Variants in HIRA observed in about 807,000 individuals in gnomAD.
HIRA encodes the protein protein HIRA.
HIRA carries 13 observed loss-of-function variants against 126.6 expected under a neutral mutation model. That is an observed-to-expected ratio of 0.10 (90% confidence interval 0.07 to 0.16). The LOEUF (loss-of-function observed/expected upper bound fraction) is 0.16, where lower values mean the gene tolerates loss of function less well. Ranked by LOEUF, HIRA falls within the 10% of genes least tolerant of loss-of-function variation. The pLI, the probability that HIRA is intolerant of heterozygous loss-of-function variation, is 1.00. For synonymous variants in HIRA, 511 were observed against 520.0 expected, an observed-to-expected ratio of 0.98 and a Z score of 0.24; for missense variants, 834 against 1,314.4, an observed-to-expected ratio of 0.63 and a Z score of 5.65.
intron 23 of HIRA, among the ~76,000 whole-genome samples, chr22:19,352,930 G>T (rs1353449521): frequency 3.9e-5 from 6 of 152,250 alleles, no homozygotes; most frequent in East Asian, 1.9e-4. Flanking sequence ...AGAAATGGAG[G>T]GCCTCAGTAA....
At chr22:19,383,726 A>G (rs1344377950) in intron 12 of HIRA, 21 bp from the exon 13 acceptor site, 1 of 1,590,982 alleles carries the variant, frequency 6.3e-7, no homozygotes, top group Non-Finnish European at 8.6e-7. Flanking sequence ...AGAGTTACAT[A>G]AATGAATGCA....
intron 1 of HIRA, among the ~76,000 whole-genome samples, 165 bp downstream of exon 1, chr22:19,431,274 GC>G (rs1055095379): frequency 3.9e-5 from 6 of 152,176 alleles, no homozygotes; most frequent in Non-Finnish European, 7.4e-5. Context: ...GGGCTCACCA[GC>G]CTCTCCGCGC....
At chr22:19,344,465 T>G (rs1334100207) in intron 24 of HIRA, among the ~76,000 whole-genome samples, 1 of 152,010 alleles carries the variant, frequency 6.6e-6, no homozygotes, top group Non-Finnish European at 1.5e-5. Context: ...ATAAAGAAAT[T>G]AAAAATCTGG....
At chr22:19,350,311 C>T (rs2088741734) in intron 24 of HIRA, among the ~76,000 whole-genome samples, 1 of 152,176 alleles carries the variant, frequency 6.6e-6, no homozygotes. Context: ...ATGCCTATAA[C>T]ATGCCTGGCC....
intron 1 of HIRA, among the ~76,000 whole-genome samples, chr22:19,424,764 T>C (rs1327489078): frequency 6.6e-6 from 1 of 152,190 alleles, no homozygotes; most frequent in African/African-American, 2.4e-5. Flanking sequence ...TCACTCAGCC[T>C]AAGTTTCCAT....
intron 15 of HIRA, among the ~76,000 whole-genome samples, chr22:19,362,446 T>G (rs2088872927): frequency 6.6e-6 from 1 of 152,096 alleles, no homozygotes; most frequent in Non-Finnish European, 1.5e-5. Context: ...TAATATTATT[T>G]GAAAGTAGAG....
chr22:19,346,025 A>G (rs1398841892), intron 24 of HIRA, among the ~76,000 whole-genome samples: 1 of 152,250 alleles, frequency 6.6e-6, no homozygotes, highest in Non-Finnish European at 1.5e-5. Context: ...AATGGCAACA[A>G]GTATTTCAAT....
Position 19,330,840 on chromosome 22 carries a change from AATT to A in HIRA, c.*597_*599del, listed in dbSNP as rs1239879611. 3 of 161,638 alleles carry A rather than the reference AATT, an allele frequency of 1.9e-5. No individual in the cohort carries two copies. Among genetic ancestry groups the A allele is most frequent in the African/African-American group, 7.2e-5 (3 of 41,674 alleles). 10.0% of individuals were successfully genotyped at this position (161,638 alleles called of 1,614,324 possible). A position where few individuals can be genotyped will look rare whatever the true frequency, so the allele number is the denominator to read the frequency against. ...AAGATAGACAAGTTAATTTCAGTAC[AATT>A]ATTTTTCAGTGTAGCTGTCATAATT... On this transcript the variant is annotated 3_prime_UTR_variant, in exon 25 of 25. Coordinates refer to ENST00000263208, the MANE Select transcript of HIRA (RefSeq NM_003325.4).
chr22:19,391,783 T>C (rs948260987), intron 9 of HIRA, among the ~76,000 whole-genome samples: 2 of 152,120 alleles, frequency 1.3e-5, no homozygotes, highest in Non-Finnish European at 2.9e-5. Flanking sequence ...CCCAGCCATA[T>C]AAAGATTTTT....
At chr22:19,414,530 C>A (rs1423633472) in intron 1 of HIRA, among the ~76,000 whole-genome samples, 1 of 152,174 alleles carries the variant, frequency 6.6e-6, no homozygotes, top group African/African-American at 2.4e-5. Context: ...GTAGAGCTGA[C>A]TGGAACACAT....
In HIRA at chr22:19,380,863, A is replaced by T. The variant is rs951219106; in HGVS notation, c.1415+2757T>A. ...GGTCTCAAACTCGTGACCTCAGGTG[A>T]TCTGCCTGCCTCGGCCTCCCAAAGT... On this transcript the variant is annotated intron_variant, in intron 13 of 24. Transcript: ENST00000263208. Among the ~76,000 whole-genome samples the T allele has an allele frequency of 9.8e-5, 15 of 152,304 alleles. No homozygotes were observed. The South Asian group carries it at 2.7e-3, about 27-fold the overall frequency.
chr22:19,388,357 C>T (rs2089146682), intron 10 of HIRA, 127 bp downstream of exon 10: 2 of 677,738 alleles, frequency 3.0e-6, no homozygotes, highest in South Asian at 1.7e-5. Context: ...CACTCTTGGT[C>T]TGCGCTACTA....
chr22:19,427,886 C>G (rs1245525428), intron 1 of HIRA, among the ~76,000 whole-genome samples: 1 of 152,204 alleles, frequency 6.6e-6, no homozygotes, highest in Non-Finnish European at 1.5e-5. Context: ...TTTTTACTTT[C>G]TGACCTTAAC....
In HIRA at chr22:19,330,916, G is replaced by A. The variant is rs2088477040; in HGVS notation, c.*524C>T. ...GACCAATGTCCAAGTGACTTATAGG[G>A]AAATCCTGATTATCGGCCAAAGGAA... On this transcript the variant is annotated 3_prime_UTR_variant, in exon 25 of 25. Coordinates refer to ENST00000263208, the MANE Select transcript of HIRA (RefSeq NM_003325.4). 1 of 218,166 alleles carries A rather than the reference G, an allele frequency of 4.6e-6. No individual in the cohort carries two copies. Among genetic ancestry groups the A allele is most frequent in the South Asian group, 6.8e-5 (1 of 14,790 alleles). 13.5% of individuals were successfully genotyped at this position (218,166 alleles called of 1,614,324 possible). A position where few individuals can be genotyped will look rare whatever the true frequency, so the allele number is the denominator to read the frequency against.
At chr22:19,380,140 T>A (rs528836980) in intron 13 of HIRA, among the ~76,000 whole-genome samples, 1 of 152,320 alleles carries the variant, frequency 6.6e-6, no homozygotes, top group African/African-American at 2.4e-5. Flanking sequence ...AATTTTAAAA[T>A]TTTTGTGTAC....
intron 20 of HIRA, 146 bp downstream of exon 20, chr22:19,356,084 G>A: frequency 1.3e-6 from 1 of 771,608 alleles, no homozygotes. Context: ...AAAAGTGTGT[G>A]TCTCCTGCAG....
chr22:19,413,327 T>C (rs1333261058), intron 1 of HIRA, among the ~76,000 whole-genome samples: 9 of 152,192 alleles, frequency 5.9e-5, no homozygotes, highest in African/African-American at 2.2e-4. Flanking sequence ...GGTTTTGGCA[T>C]TAAACATCAT....
intron 2 of HIRA, among the ~76,000 whole-genome samples, chr22:19,409,995 A>G (rs1344450671): frequency 3.3e-5 from 5 of 152,194 alleles, no homozygotes; most frequent in Non-Finnish European, 7.4e-5. Flanking sequence ...GAGGACCTAG[A>G]GCTCACAAAG....
At position 19,397,961 on chromosome 22, in the gene HIRA, TG is replaced by T. The variant is rs764532567; in HGVS notation, c.493+30del. On this transcript the variant is annotated intron_variant, in intron 6 of 24. Transcript: ENST00000263208. ...CCAGAAACTGACAGGCAGTACTGCT[TG>T]CTGTTAACCAGTCAGAGGAGGCCCC... 24 of 1,550,300 alleles carry T rather than the reference TG, an allele frequency of 1.5e-5. No individual in the cohort carries two copies. The African/African-American group carries it at 3.0e-4, about 19-fold the overall frequency.
Sources: gnomAD v4.1 joint callset for allele counts (sites outside exome capture counted in the v4.1 genomes callset) on GRCh38, gnomAD v4.1.1 for gene constraint, MANE v1.5 for transcripts, NCBI Gene and HGNC (gene_info 2026-07-23, HGNC 2026-07-21) for gene names.